ARHGAP28: variants seen among roughly 807,000 people sequenced by gnomAD.
The protein encoded by ARHGAP28 is rho GTPase-activating protein 28.
ARHGAP28 carries 56 observed loss-of-function variants against 90.7 expected under a neutral mutation model. The ratio of observed to expected loss-of-function variants is 0.62; its 90% confidence interval spans 0.50 to 0.77. The LOEUF is 0.77. ARHGAP28 is among the 30% of genes least tolerant of loss of function. The pLI is 0.00. For synonymous variants in ARHGAP28, 308 were observed against 323.3 expected (o/e 0.95, Z 0.51); for missense variants, 869 against 900.9 (o/e 0.96, Z 0.45).
At chr18:6,752,151 C>T (rs1043955019) in intron 1 of ARHGAP28, among the ~76,000 whole-genome samples, 2 of 152,126 alleles carry the variant, frequency 1.3e-5, no homozygotes, top group Admixed American at 1.3e-4. Flanking sequence ...TTAATTTTAG[C>T]TCCCTTTACA....
chr18:6,901,465 T>C (rs1437901236), intron 16 of ARHGAP28, among the ~76,000 whole-genome samples: 1 of 150,438 alleles, frequency 6.6e-6, no homozygotes, highest in Admixed American at 6.7e-5. Context: ...CTCAGTTAGG[T>C]GATCGGGTTA....
At chr18:6,772,046 A>G (rs2056247033) in intron 1 of ARHGAP28, among the ~76,000 whole-genome samples, 1 of 152,184 alleles carries the variant, frequency 6.6e-6, no homozygotes, top group Admixed American at 6.5e-5. Flanking sequence ...TCTCAAATCC[A>G]TAAAACCCCA....
intron 1 of ARHGAP28, among the ~76,000 whole-genome samples, chr18:6,745,373 A>C (rs1159675685): frequency 1.3e-5 from 2 of 151,978 alleles, no homozygotes; most frequent in Non-Finnish European, 2.9e-5. Context: ...TCATCTTCTT[A>C]TCCATTACCA....
intron 9 of ARHGAP28, among the ~76,000 whole-genome samples, chr18:6,874,083 A>G (rs967452865): frequency 6.6e-6 from 1 of 152,166 alleles, no homozygotes; most frequent in Non-Finnish European, 1.5e-5. Flanking sequence ...ATTTTTTCAA[A>G]TGTTATTTGC....
intron 1 of ARHGAP28, among the ~76,000 whole-genome samples, chr18:6,799,916 G>A (rs973410819): frequency 5.3e-5 from 8 of 152,282 alleles, no homozygotes; most frequent in Non-Finnish European, 1.2e-4. Flanking sequence ...TATCATCAGA[G>A]TGAACAGGCA....
intron 4 of ARHGAP28, among the ~76,000 whole-genome samples, chr18:6,851,994 C>A (rs2056914299): frequency 6.6e-6 from 1 of 151,978 alleles, no homozygotes; most frequent in Non-Finnish European, 1.5e-5. Flanking sequence ...TTTCATAGGT[C>A]TATATAGTTG....
chr18:6,776,521 G>A (rs1228109871), intron 1 of ARHGAP28, among the ~76,000 whole-genome samples: 2 of 152,080 alleles, frequency 1.3e-5, no homozygotes, highest in African/African-American at 4.8e-5. Context: ...CTGGTCTCGA[G>A]CTCAAGTGAT....
rs535204862 is a variant in ARHGAP28 at position 6,839,926 on chromosome 18, T to C, written c.543+2512T>C. On this transcript the variant is annotated intron_variant, in intron 3 of 17. Transcript: ENST00000383472. ...CTTTCTAATGGATTTTCTTTCAAAATAAATGAAGAGCAACTCTCCTTCTTT... is the reference window on the plus strand; with the variant it reads ...CTTTCTAATGGATTTTCTTTCAAAACAAATGAAGAGCAACTCTCCTTCTTT... Among the ~76,000 whole-genome samples, 3 of 152,334 alleles carry C rather than the reference T, an allele frequency of 2.0e-5. No homozygotes were observed. In the East Asian group the frequency reaches 5.8e-4, roughly 29 times the overall value.
chr18:6,872,690 C>T (rs1004389082), intron 7 of ARHGAP28, among the ~76,000 whole-genome samples: 2 of 152,042 alleles, frequency 1.3e-5, no homozygotes, highest in African/African-American at 4.8e-5. Context: ...AAATTCTTCA[C>T]AATATTTCTG....
rs760967117 is a variant in ARHGAP28, at chr18:6,851,077, C to T, written c.587C>T (p.Thr196Ile). 6.2e-7 allele frequency: 1 copy of T among 1,613,996 alleles called. No homozygotes were observed. The highest frequency in any genetic ancestry group is 1.1e-5 in the South Asian group (1 of 91,072). ...AACCACACTAATCAGCTGGATGGCA[C>T]CAAGGAAGAAAGAGAGCTTCCAAGA... ...CGNHTNQLDG[T>I]KEERELPRVI... Residue 196 changes from threonine (T) to isoleucine (I), a missense_variant, in exon 4 of 18, where the codon ACC becomes ATC. Transcript: ENST00000383472.
intron 1 of ARHGAP28, among the ~76,000 whole-genome samples, chr18:6,733,288 A>C (rs2055898525): frequency 6.6e-6 from 1 of 152,178 alleles, no homozygotes. Context: ...TATATAGATT[A>C]TCCTTTGTCC....
At chr18:6,808,136 T>C (rs897112797) in intron 1 of ARHGAP28, among the ~76,000 whole-genome samples, 3 of 152,232 alleles carry the variant, frequency 2.0e-5, no homozygotes, top group Non-Finnish European at 4.4e-5. Flanking sequence ...CCATCTGATA[T>C]CCTCCTATTG....
chr18:6,756,782 C>T (rs539114551), intron 1 of ARHGAP28, among the ~76,000 whole-genome samples: 1 of 152,216 alleles, frequency 6.6e-6, no homozygotes, highest in South Asian at 2.1e-4. Flanking sequence ...TGGTGTGAGT[C>T]CAAGAGTCCA....
At chr18:6,898,718 C>G in intron 16 of ARHGAP28, 1 of 1,378,242 alleles carries the variant, frequency 7.3e-7, no homozygotes, top group Non-Finnish European at 9.4e-7. Flanking sequence ...TGTATTAGAA[C>G]TAATGACTGC....
intron 2 of ARHGAP28, among the ~76,000 whole-genome samples, chr18:6,828,461 G>A (rs1392082833): frequency 6.6e-6 from 1 of 152,150 alleles, no homozygotes; most frequent in Non-Finnish European, 1.5e-5. Context: ...TGTTTTTATA[G>A]AAATTGCCTT....
At chr18:6,759,317 A>G (rs973752265) in intron 1 of ARHGAP28, among the ~76,000 whole-genome samples, 6 of 152,230 alleles carry the variant, frequency 3.9e-5, no homozygotes, top group African/African-American at 1.4e-4. Context: ...CTAGAAATGA[A>G]TAAGGAAATT....
intron 3 of ARHGAP28, among the ~76,000 whole-genome samples, chr18:6,848,921 T>C (rs558110691): frequency 1.4e-4 from 21 of 152,198 alleles, no homozygotes; most frequent in Non-Finnish European, 2.5e-4. Flanking sequence ...ACTATGCCTT[T>C]CATTTCAAAT....
chr18:6,915,394 A>G lies in ARHGAP28; in HGVS notation c.*3240A>G, dbSNP rs2057417406. 6.6e-6 allele frequency: 1 copy of G among 152,254 alleles called. No homozygotes were observed. The highest frequency in any genetic ancestry group is 2.1e-4 in the South Asian group (1 of 4,838). The allele number at this position is 152,254 out of a possible 1,614,324, so 9.4% of individuals were successfully genotyped here. A position where few individuals can be genotyped will look rare whatever the true frequency, so the allele number is the denominator to read the frequency against. ...AAAAGACTTTATGTTAAAGGATTAAATAGTTTCTCTGACAGGCAGTTTTTA... is the reference window on the plus strand; with the variant it reads ...AAAAGACTTTATGTTAAAGGATTAAGTAGTTTCTCTGACAGGCAGTTTTTA... On this transcript the variant is annotated 3_prime_UTR_variant, in exon 18 of 18. Transcript: ENST00000383472.
At chr18:6,749,047 T>G (rs936196136) in intron 1 of ARHGAP28, among the ~76,000 whole-genome samples, 3 of 152,220 alleles carry the variant, frequency 2.0e-5, no homozygotes, top group Non-Finnish European at 4.4e-5. Flanking sequence ...ATAAAGCTTC[T>G]AGCACATCTC....
Sources: allele counts gnomAD v4.1 joint callset (sites outside exome capture counted in the v4.1 genomes callset), GRCh38; gene constraint gnomAD v4.1.1; transcripts MANE v1.5; gene names NCBI Gene and HGNC (gene_info 2026-07-23, HGNC 2026-07-21).